Variants in DOCK2 observed in about 807,000 individuals in gnomAD.
DOCK2 encodes dedicator of cytokinesis 2.
A neutral mutation model predicts 248.9 loss-of-function variants in DOCK2; 87 were observed. The observed-to-expected ratio is 0.35, with a 90% confidence interval of 0.29 to 0.42. The LOEUF is 0.42. Among genes scored for constraint, DOCK2 ranks in the 10% least tolerant of loss-of-function variants. The pLI, the probability that DOCK2 is intolerant of heterozygous loss-of-function variation, is 1.00. For missense variants in DOCK2, 1,747 were observed against 2,300.2 expected (o/e 0.76, Z 4.92); for synonymous variants, 805 against 821.6 (o/e 0.98, Z 0.35).
chr5:169,967,145 G>A (rs1042215903), intron 27 of DOCK2, among the ~76,000 whole-genome samples: 7 of 152,224 alleles, frequency 4.6e-5, no homozygotes, highest in Admixed American at 2.0e-4. Flanking sequence ...GGTGGACAGA[G>A]ATAGATAAAG....
chr5:169,795,212 G>A (rs1766573108), intron 25 of DOCK2, among the ~76,000 whole-genome samples: 2 of 152,052 alleles, frequency 1.3e-5, no homozygotes, highest in South Asian at 4.2e-4. Context: ...TTGGACTTTC[G>A]ATGGATATCT....
intron 32 of DOCK2, among the ~76,000 whole-genome samples, chr5:170,013,316 A>G (rs929572425): frequency 6.6e-6 from 1 of 152,098 alleles, no homozygotes. Context: ...TAGGCTCCCC[A>G]AAGATGTCCA....
Position 170,077,811 on chromosome 5 carries a change from C to A in DOCK2, c.4968C>A (p.Ser1656Arg), listed in dbSNP as rs767664459. ...ISLASMNSDC[S>R]TPSKPTSESF... ...TGGCTTCCATGAATTCTGACTGCAG[C>A]ACCCCCAGCAAGCCTACCTCAGAGA... Residue 1656 changes from serine to arginine, a missense_variant, in exon 48 of 52, where the codon AGC becomes AGA. Ser to Arg is a moderately radical substitution (Grantham distance 110, BLOSUM62 -1). This residue lies in a region of DOCK2 where 513 missense variants were observed against 586.1 expected (regional missense o/e 0.88). Coordinates refer to ENST00000520908, the MANE Select transcript of DOCK2 (RefSeq NM_004946.3). 2 of 1,613,588 alleles carry A rather than the reference C, an allele frequency of 1.2e-6. No homozygotes were observed. Among genetic ancestry groups the A allele is most frequent in the Non-Finnish European group, 1.7e-6 (2 of 1,179,954 alleles).
intron 22 of DOCK2, among the ~76,000 whole-genome samples, chr5:169,734,317 G>A (rs1762927148): frequency 6.6e-6 from 1 of 152,074 alleles, no homozygotes; most frequent in South Asian, 2.1e-4. Flanking sequence ...CATAGTGAGT[G>A]TGCTGGGTTT....
intron 27 of DOCK2, among the ~76,000 whole-genome samples, chr5:169,871,929 A>T (rs972783708): frequency 6.6e-6 from 1 of 152,190 alleles, no homozygotes; most frequent in African/African-American, 2.4e-5. Context: ...TGAAGATAAT[A>T]TCTGGGGTCA....
intron 27 of DOCK2, among the ~76,000 whole-genome samples, chr5:169,859,872 C>G (rs1268875495): frequency 1.3e-5 from 2 of 151,730 alleles, no homozygotes; most frequent in Non-Finnish European, 2.9e-5. Context: ...GAGTGCTGTG[C>G]TGTATTTTAT....
At chr5:170,053,718 C>G (rs1757006953) in intron 41 of DOCK2, among the ~76,000 whole-genome samples, 1 of 152,212 alleles carries the variant, frequency 6.6e-6, no homozygotes, top group South Asian at 2.1e-4. Flanking sequence ...ATTGCCATCT[C>G]TTAAGAAGAG....
intron 27 of DOCK2, among the ~76,000 whole-genome samples, chr5:169,939,051 G>GCCCGC (rs1776118671): frequency 6.6e-6 from 1 of 151,142 alleles, no homozygotes; most frequent in African/African-American, 2.4e-5. Context: ...CTACAGGCAT[G>GCCCGC]CACCACCACG....
chr5:169,773,081 A>G (rs917032798), intron 25 of DOCK2: 2 of 152,118 alleles, frequency 1.3e-5, no homozygotes, highest in African/African-American at 4.8e-5. Flanking sequence ...CAGCACCAAA[A>G]CGTCCCTTCC....
At chr5:169,834,750 A>G (rs1440034764) in intron 26 of DOCK2, among the ~76,000 whole-genome samples, 1 of 152,270 alleles carries the variant, frequency 6.6e-6, no homozygotes, top group Middle Eastern at 3.2e-3. Flanking sequence ...CCCTACTCAC[A>G]TGCTCAGTCG....
At chr5:170,053,774 A>T (rs1413058454) in intron 41 of DOCK2, among the ~76,000 whole-genome samples, 1 of 152,256 alleles carries the variant, frequency 6.6e-6, no homozygotes, top group Non-Finnish European at 1.5e-5. Context: ...AATCAATGAA[A>T]CACCTAACTT....
intron 27 of DOCK2, among the ~76,000 whole-genome samples, chr5:169,944,601 C>A (rs1486952760): frequency 1.3e-5 from 2 of 152,212 alleles, no homozygotes; most frequent in Non-Finnish European, 2.9e-5. Context: ...CATTTTAATA[C>A]CTCTGTGCCT....
chr5:169,738,137 C>T (rs1763135609), intron 22 of DOCK2, among the ~76,000 whole-genome samples: 1 of 152,148 alleles, frequency 6.6e-6, no homozygotes. Context: ...GACTCTCGCA[C>T]ATTTGTTACA....
chr5:169,660,877 G>C (rs1384595829), intron 2 of DOCK2, among the ~76,000 whole-genome samples: 1 of 152,096 alleles, frequency 6.6e-6, no homozygotes, highest in South Asian at 2.1e-4. Context: ...TCTGAGTGAG[G>C]ATGAGGCTCA....
intron 27 of DOCK2, among the ~76,000 whole-genome samples, chr5:169,870,746 T>C (rs1265104148): frequency 2.0e-5 from 3 of 152,168 alleles, no homozygotes; most frequent in Non-Finnish European, 4.4e-5. Flanking sequence ...TATTTTATCC[T>C]CATGATAGCC....
chr5:169,974,319 G>A (rs986953053), intron 27 of DOCK2, among the ~76,000 whole-genome samples: 2 of 152,178 alleles, frequency 1.3e-5, no homozygotes, highest in African/African-American at 4.8e-5. Flanking sequence ...GATCATCAGT[G>A]TACTTTTTAA....
chr5:170,075,573 A>T (rs1361867115), intron 46 of DOCK2: 2 of 172,766 alleles, frequency 1.2e-5, no homozygotes, highest in Non-Finnish European at 2.5e-5. Context: ...TATTGCCAAG[A>T]ACATCTTAGG....
chr5:169,713,072 T>A lies in DOCK2; in HGVS notation c.1659+849T>A, dbSNP rs73798758. 8.3e-3 allele frequency among the ~76,000 whole-genome samples: 1,262 copies of A among 152,342 alleles called. 19 individuals carry two copies. Among genetic ancestry groups the A allele is most frequent in the African/African-American group, 0.029 (1,204 of 41,580 alleles). On this transcript the variant is annotated intron_variant, in intron 17 of 51. Coordinates refer to ENST00000520908, the MANE Select transcript of DOCK2 (RefSeq NM_004946.3). Reference sequence around the variant, plus strand: ...CAAACACAGCCTCGTCAAGGCTTCATCTCATAGTACTCTTGTACTCTTCTC... The same window carrying A: ...CAAACACAGCCTCGTCAAGGCTTCAACTCATAGTACTCTTGTACTCTTCTC...
intron 25 of DOCK2, among the ~76,000 whole-genome samples, chr5:169,787,047 C>G (rs1009671314): frequency 6.6e-6 from 1 of 152,116 alleles, no homozygotes; most frequent in Non-Finnish European, 1.5e-5. Flanking sequence ...TTCATTCTCA[C>G]CAAGAGAGGT....
Sources: gnomAD v4.1 joint callset for allele counts (sites outside exome capture counted in the v4.1 genomes callset) on GRCh38, gnomAD v4.1.1 for gene constraint, gnomAD v4.1.1 regional missense constraint, MANE v1.5 for transcripts, NCBI Gene and HGNC (gene_info 2026-07-23, HGNC 2026-07-21) for gene names.